Variants in PIGR observed in about 807,000 individuals in gnomAD.
PIGR encodes the protein polymeric immunoglobulin receptor, also known as hepatocellular carcinoma associated protein TB6.
PIGR carries 22 observed loss-of-function variants against 69.5 expected under a neutral mutation model. The observed-to-expected ratio is 0.32, with a 90% CI of 0.23 to 0.45. The LOEUF is 0.45. Ranked by LOEUF, PIGR falls within the 20% of genes least tolerant of loss-of-function variation. The pLI, the probability that PIGR is intolerant of heterozygous loss-of-function variation, is 1.00. For missense variants in PIGR, 885 were observed against 974.0 expected (o/e 0.91, Z 1.22); for synonymous variants, 413 against 407.6 (o/e 1.01, Z -0.16).
intron 2 of PIGR, 106 bp downstream of exon 2, chr1:206,940,383 A>T: frequency 9.5e-7 from 1 of 1,050,018 alleles, no homozygotes; most frequent in South Asian, 1.6e-5. Flanking sequence ...TTTGAGAGGG[A>T]CATCCCTGGG....
Position 206,930,016 on chromosome 1 carries a change from C to T in PIGR, c.*302G>A, listed in dbSNP as rs1679700997. The T allele has an allele frequency of 3.1e-6, 1 of 318,654 alleles. No homozygotes were observed. Among genetic ancestry groups the T allele is most frequent in the Non-Finnish European group, 5.7e-6 (1 of 175,992 alleles). 19.7% of individuals were successfully genotyped at this position (318,654 alleles called of 1,614,324 possible). A position where few individuals can be genotyped will look rare whatever the true frequency, so the allele number is the denominator to read the frequency against. On this transcript the variant is annotated 3_prime_UTR_variant, in exon 11 of 11. Coordinates refer to ENST00000356495, the MANE Select transcript of PIGR (RefSeq NM_002644.4). The surrounding 1 kb of genome is among the most constrained non-coding windows in gnomAD (Gnocchi z 4.3). ...CTCTCCTTTCTGCAATCAGCTCTCC[C>T]ACCCTGGTCCCTCTTCCTTCAAGGG...
In PIGR at chr1:206,937,647, A is replaced by G. The variant is rs772374420; in HGVS notation, c.493T>C (p.Leu165=). The change falls in exon 4 of 11, where the codon TTG becomes CTG. Residue 165 remains leucine, a synonymous_variant. Transcript: ENST00000356495. ...GGGTACAGGCCTATCTGCTTGTACA[A>G]GGACTTCCTCTTTTGAGCATTCTCA... ...KTENAQKRKS[L]YKQIGLYPVL... is the part of the protein sequence containing the mutation. 28 of 1,613,708 alleles carry G rather than the reference A, an allele frequency of 1.7e-5. No individual in the cohort carries two copies. The East Asian group carries it at 5.3e-4, about 31-fold the overall frequency.
Position 206,930,767 on chromosome 1 carries a change from A to G in PIGR, c.2200-354T>C. 2.0e-6 allele frequency: 2 copies of G among 985,430 alleles called. No individual in the cohort carries two copies. The highest frequency in any genetic ancestry group is 9.4e-5 in the South Asian group (2 of 21,286). 61.0% of individuals were successfully genotyped at this position (985,430 alleles called of 1,614,324 possible). A position where few individuals can be genotyped will look rare whatever the true frequency, so the allele number is the denominator to read the frequency against. ...TGGTGTATGTTTTTCTTTCTCCACC[A>G]GCCCAGACAGGTAGCTTTTTGGCAC... On this transcript the variant is annotated intron_variant, in intron 10 of 10. Transcript: ENST00000356495. This position sits in a 1 kb window ranked among gnomAD's most constrained non-coding sequence, Gnocchi z 4.3.
intron 6 of PIGR, 118 bp from the exon 7 acceptor site, chr1:206,933,284 G>T: frequency 1.0e-6 from 1 of 986,332 alleles, no homozygotes. Context: ...CGATCTCAAG[G>T]CTGTTGGGGT....
chr1:206,942,982 T>A (rs113043891), intron 1 of PIGR, among the ~76,000 whole-genome samples: 2 of 152,296 alleles, frequency 1.3e-5, no homozygotes, highest in East Asian at 3.9e-4. Context: ...ATTTCTCTAG[T>A]AGCATTTGAA....
intron 1 of PIGR, among the ~76,000 whole-genome samples, chr1:206,945,358 T>C (rs1232951048): frequency 1.3e-5 from 2 of 151,808 alleles, no homozygotes; most frequent in Admixed American, 1.3e-4. Flanking sequence ...GAACTGGGGG[T>C]CAGGGATGGA....
At chr1:206,936,553 T>C (rs1679865515) in intron 4 of PIGR, among the ~76,000 whole-genome samples, 1 of 152,200 alleles carries the variant, frequency 6.6e-6, no homozygotes, top group Admixed American at 6.5e-5. Flanking sequence ...GGGATTTAAT[T>C]CTTTCACCAT....
intron 1 of PIGR, among the ~76,000 whole-genome samples, chr1:206,945,916 C>A (rs1341074498): frequency 6.6e-6 from 1 of 152,144 alleles, no homozygotes; most frequent in Admixed American, 6.5e-5. Flanking sequence ...CCCACATTGA[C>A]CCTGAATGAT....
At chr1:206,941,070 A>G (rs950040108) in intron 1 of PIGR, among the ~76,000 whole-genome samples, 5 of 152,224 alleles carry the variant, frequency 3.3e-5, no homozygotes, top group African/African-American at 2.4e-5. Flanking sequence ...AAGGCTGTAA[A>G]TGTAATGATG....
In PIGR at chr1:206,937,413, C is replaced by G. The variant is rs756425164; in HGVS notation, c.727G>C (p.Glu243Gln). The change falls in exon 4 of 11, where the codon GAG becomes CAG. Residue 243 changes from glutamate to glutamine, a missense_variant. Coordinates refer to ENST00000356495, the MANE Select transcript of PIGR (RefSeq NM_002644.4). ...ADLQVLKPEP[E>Q]LVYEDLRGSV... ...CCCCTCAGGTCTTCATAAACCAGCT[C>G]GGGCTCGGGCTTTAGCACTTGGAGG... is the stretch of plus-strand genomic sequence containing the variant. The G allele has an allele frequency of 4.3e-6, 7 of 1,614,094 alleles. No individual in the cohort carries two copies. The South Asian group carries it at 6.6e-5, about 15-fold the overall frequency.
At chr1:206,940,265 C>T (rs569614722) in intron 2 of PIGR, among the ~76,000 whole-genome samples, 1 of 152,314 alleles carries the variant, frequency 6.6e-6, no homozygotes, top group East Asian at 1.9e-4. Flanking sequence ...TTCACAGACC[C>T]CTGGCCTTGA....
chr1:206,938,519 T>G (rs1195850991), intron 3 of PIGR, among the ~76,000 whole-genome samples: 1 of 152,192 alleles, frequency 6.6e-6, no homozygotes, highest in Non-Finnish European at 1.5e-5. Flanking sequence ...TAAAACAGCC[T>G]CATTGTTAAA....
Position 206,937,181 on chromosome 1 carries a change from G to C in PIGR, c.959C>G (p.Ala320Gly), listed in dbSNP as rs754038974. ...ATGGGCTCCACACAGGTAGCGCCCT[G>C]CATCCTCCTTCCTCAGGCCTGTGAT... ...VVITGLRKEDAGRYLCGAHSD... is the reference protein window; with the variant it reads ...VVITGLRKEDGGRYLCGAHSD... The change falls in exon 4 of 11, where the codon GCA becomes GGA. Residue 320 changes from alanine (A) to glycine (G), a missense_variant. Transcript: ENST00000356495. The C allele has an allele frequency of 1.2e-6, 2 of 1,614,146 alleles. No individual in the cohort carries two copies. Among genetic ancestry groups the C allele is most frequent in the South Asian group, 2.2e-5 (2 of 91,074 alleles).
chr1:206,933,362 CA>C (rs1184075877), intron 6 of PIGR, among the ~76,000 whole-genome samples, 196 bp from the exon 7 acceptor site: 1 of 152,160 alleles, frequency 6.6e-6, no homozygotes, highest in Admixed American at 6.5e-5. Flanking sequence ...ATCTCTGCCC[CA>C]TTACTACCAA....
chr1:206,932,459 C>T lies in PIGR; in HGVS notation c.2005G>A (p.Val669Ile), dbSNP rs753927128. The T allele has an allele frequency of 4.3e-6, 7 of 1,610,578 alleles. No homozygotes were observed. Among genetic ancestry groups the T allele is most frequent in the Middle Eastern group, 4.2e-4 (2 of 4,740 alleles). ...GVARARHRKN[V>I]DRVSIRSYRT... ...AGGGAGTATCCCAGGGACTCACCGA[C>T]GTTCTTCCTGTGCCGGGCTCTGGCC... is the stretch of plus-strand genomic sequence containing the variant. The change falls in exon 8 of 11, where the codon GTC becomes ATC. Residue 669 changes from valine (V) to isoleucine (I), a missense_variant. Transcript: ENST00000356495.
Position 206,929,291 on chromosome 1 carries a change from T to G in PIGR, c.*1027A>C, listed in dbSNP as rs1186755388. The G allele has an allele frequency of 6.6e-6, 1 of 152,054 alleles. No individual in the cohort carries two copies. The highest frequency in any genetic ancestry group is 6.5e-5 in the Admixed American group (1 of 15,268). The allele number at this position is 152,054 out of a possible 1,614,324, so 9.4% of individuals were successfully genotyped here. A position where few individuals can be genotyped will look rare whatever the true frequency, so the allele number is the denominator to read the frequency against. On this transcript the variant is annotated 3_prime_UTR_variant, in exon 11 of 11. Transcript: ENST00000356495. Reference sequence around the variant, plus strand: ...GGCCGGACGCGGTGGCTCACGCCTGTAATCCCAGCACTTTGGGAGGCAGAG... The same window carrying G: ...GGCCGGACGCGGTGGCTCACGCCTGGAATCCCAGCACTTTGGGAGGCAGAG...
At position 206,931,514 on chromosome 1, in the gene PIGR, G is replaced by T; in HGVS notation, c.2182C>A (p.Pro728Thr). Reference protein sequence around the residue: ...TTESTTETKEPKKAKRSSKEE... With the variant: ...TTESTTETKETKKAKRSSKEE... The stretch of plus-strand genomic sequence containing the variant: ...CTCCTCACCCTTTTTGCCTTCTTGG[G>T]TTCTTTGGTCTCTGTGGTGCTCTCA... The change falls in exon 10 of 11, where the codon CCC becomes ACC. Residue 728 changes from proline (P) to threonine (T), a missense_variant. Pro to Thr is a conservative substitution (Grantham distance 38, BLOSUM62 -1). Transcript: ENST00000356495. The T allele has an allele frequency of 6.2e-7, 1 of 1,613,936 alleles. No individual in the cohort carries two copies. The highest frequency in any genetic ancestry group is 8.5e-7 in the Non-Finnish European group (1 of 1,179,990).
At position 206,930,935 on chromosome 1, in the gene PIGR, A is replaced by G. The variant is rs958416615; in HGVS notation, c.2200-522T>C. The G allele has an allele frequency of 9.1e-6, 9 of 985,264 alleles. No homozygotes were observed. The highest frequency in any genetic ancestry group is 3.5e-5 in the African/African-American group (2 of 57,216). 61.0% of individuals were successfully genotyped at this position (985,264 alleles called of 1,614,324 possible). A position where few individuals can be genotyped will look rare whatever the true frequency, so the allele number is the denominator to read the frequency against. The stretch of plus-strand genomic sequence containing the variant: ...CTCACCTCGGGATTAAAGGCATGAG[A>G]TGTTATTTTTCTTGGTCCCCTGAGT... On this transcript the variant is annotated intron_variant, in intron 10 of 10. Coordinates refer to ENST00000356495, the MANE Select transcript of PIGR (RefSeq NM_002644.4). The surrounding 1 kb of genome is among the most constrained non-coding windows in gnomAD (Gnocchi z 4.3).
rs760159275 is a variant in PIGR, at chr1:206,929,656, A to G, written c.*662T>C. The G allele has an allele frequency of 6.6e-6, 1 of 152,236 alleles. No homozygotes were observed. The highest frequency in any genetic ancestry group is 1.5e-5 in the Non-Finnish European group (1 of 68,040). 9.4% of individuals were successfully genotyped at this position (152,236 alleles called of 1,614,324 possible). On this transcript the variant is annotated 3_prime_UTR_variant, in exon 11 of 11. Coordinates refer to ENST00000356495, the MANE Select transcript of PIGR (RefSeq NM_002644.4). ...AATTACCTGTGTGTATGCTCATCAT[A>G]CATGACCCCTAAGGCCTTAGGACTC...
Sources: allele counts gnomAD v4.1 joint callset (sites outside exome capture counted in the v4.1 genomes callset), GRCh38; gene constraint gnomAD v4.1.1; non-coding constraint Gnocchi (gnomAD v3.1); transcripts MANE v1.5; gene names NCBI Gene and HGNC (gene_info 2026-07-23, HGNC 2026-07-21).